HUWE1: variants seen among roughly 807,000 people sequenced by gnomAD.
HUWE1 encodes the protein HECT, UBA and WWE domain containing E3 ubiquitin protein ligase 1.
Under a neutral mutation model 299.4 loss-of-function variants are expected in HUWE1, and 18 were observed. The observed-to-expected ratio is 0.06, with a 90% CI of 0.04 to 0.09. The LOEUF (loss-of-function observed/expected upper bound fraction) is 0.09, where lower values mean the gene tolerates loss of function less well. Ranked by LOEUF, HUWE1 falls within the 10% of genes least tolerant of loss-of-function variation. The probability of loss-of-function intolerance (pLI) is 1.00; values close to 1 mark genes in which losing one functional copy is unlikely to be tolerated. For synonymous variants in HUWE1, 1,317 were observed against 1,286.1 expected (o/e 1.02, Z -0.51); for missense variants, 1,832 against 3,462.3 (o/e 0.53, Z 11.82).
intron 42 of HUWE1, among the ~76,000 whole-genome samples, chrX:53,581,713 C>T (rs999746548): frequency 3.6e-5 from 4 of 110,743 alleles, no homozygotes; most frequent in Admixed American, 9.6e-5. Context: ...CACATTATAC[C>T]CTCTGTATCT....
rs782218686 is a variant in HUWE1, at chrX:53,627,898, G to A, written c.1243-19C>T. The A allele has an allele frequency of 9.2e-6, 11 of 1,201,348 alleles. No homozygotes were observed. The highest frequency in any genetic ancestry group is 1.1e-5 in the Non-Finnish European group (10 of 886,854). ...TTATGACCTATCACGGAGAAAAAGA[G>A]GCAAAAACAATGAACTATAAAGACA... On this transcript the variant is annotated intron_variant, in intron 15 of 83. Transcript: ENST00000262854.
intron 19 of HUWE1, among the ~76,000 whole-genome samples, chrX:53,620,257 C>T (rs5933600): frequency 0.3 from 28,788 of 95,554 alleles, 3,963 homozygotes; most frequent in South Asian, 0.48. Flanking sequence ...TTCCATTTGT[C>T]TTTTTTTTTT....
intron 3 of HUWE1, among the ~76,000 whole-genome samples, chrX:53,654,595 G>A (rs189415574): frequency 1.8e-5 from 2 of 111,555 alleles, no homozygotes; most frequent in South Asian, 3.7e-4. Context: ...GTAAAAGACT[G>A]AAAAAGACCT....
Position 53,576,946 on chromosome X carries a change from G to C in HUWE1, c.5838C>G (p.Ile1946Met), listed in dbSNP as rs782228341. 8.3e-7 allele frequency: 1 copy of C among 1,209,222 alleles called. No homozygotes were observed. The highest frequency in any genetic ancestry group is 1.1e-6 in the Non-Finnish European group (1 of 893,294). Reference sequence around the variant, plus strand: ...CAGCCAGAGCATTCAGCATATCATAGATCACTTCCTTGATAGTATCAGGGA... The same window carrying C: ...CAGCCAGAGCATTCAGCATATCATACATCACTTCCTTGATAGTATCAGGGA... ...PVIPDTIKEV[I>M]YDMLNALAAY... The change falls in exon 44 of 84, where the codon ATC becomes ATG. Residue 1946 changes from isoleucine (I) to methionine (M), a missense_variant. Ile to Met is a conservative substitution (Grantham distance 10). This residue lies in a region of HUWE1 where 157 missense variants were observed against 252.3 expected (regional missense o/e 0.62). Transcript: ENST00000262854.
Position 53,547,709 on chromosome X carries a change from C to T in HUWE1, c.10600G>A (p.Val3534Met), listed in dbSNP as rs1333533744. The part of the protein sequence containing the change: ...STIVVAASTT[V>M]TTPTTATTTV... ...GTGGTAGCAGTCGTGGGGGTAGTCACTGTGGTCGAAGCAGCTACGACAATG... is the reference window on the plus strand; with the variant it reads ...GTGGTAGCAGTCGTGGGGGTAGTCATTGTGGTCGAAGCAGCTACGACAATG... The change falls in exon 68 of 84, where the codon GTG becomes ATG. Residue 3534 changes from valine to methionine, a missense_variant. Physicochemically the swap from Val to Met is conservative, Grantham distance 21. This residue lies in a region of HUWE1 where 119 missense variants were observed against 124.6 expected (regional missense o/e 0.96). Coordinates refer to ENST00000262854, the MANE Select transcript of HUWE1 (RefSeq NM_031407.7). 6 of 1,207,633 alleles carry T rather than the reference C, an allele frequency of 5.0e-6. No individual in the cohort carries two copies. The highest frequency in any genetic ancestry group is 5.6e-6 in the Non-Finnish European group (5 of 893,995).
intron 73 of HUWE1, among the ~76,000 whole-genome samples, chrX:53,543,486 T>C (rs1188713420): frequency 9.0e-6 from 1 of 110,581 alleles, no homozygotes; most frequent in African/African-American, 3.3e-5. Context: ...AATGGTAGGA[T>C]TCCTGAGATG....
chrX:53,595,855 AAGC>A (rs1433805462), intron 29 of HUWE1, among the ~76,000 whole-genome samples: 36 of 112,132 alleles, frequency 3.2e-4, no homozygotes, highest in African/African-American at 1.1e-3. Flanking sequence ...AAACTAGGAA[AAGC>A]AGGAAAATTT....
intron 78 of HUWE1, chrX:53,537,314 A>C: frequency 4.7e-6 from 2 of 422,381 alleles, no homozygotes; most frequent in Non-Finnish European, 8.3e-6. Flanking sequence ...ATCCTTATAA[A>C]CACCAAAGAC....
At chrX:53,624,532 C>CAG (rs1313389816) in intron 19 of HUWE1, 63 bp downstream of exon 19, 47 of 712,461 alleles carry the variant, frequency 6.6e-5, no homozygotes, top group East Asian at 1.3e-4. Flanking sequence ...TAAGTAAATA[C>CAG]AGAGAGAGAG....
At chrX:53,536,771 G>A (rs1194761685) in intron 78 of HUWE1, 104 bp from the exon 79 acceptor site, 1 of 728,969 alleles carries the variant, frequency 1.4e-6, no homozygotes, top group Non-Finnish European at 2.1e-6. Context: ...GGGGAGTGCA[G>A]TGTCAGATGA....
intron 47 of HUWE1, among the ~76,000 whole-genome samples, chrX:53,571,382 CGGGAGG>C (rs1556951197): frequency 4.5e-5 from 5 of 111,712 alleles, no homozygotes; most frequent in Non-Finnish European, 9.4e-5. Context: ...GAGGCTGAGG[CGGGAGG>C]ATCACTTGAG....
chrX:53,655,768 C>T (rs2068715361), intron 3 of HUWE1, among the ~76,000 whole-genome samples: 1 of 111,816 alleles, frequency 8.9e-6, no homozygotes, highest in Admixed American at 9.5e-5. Flanking sequence ...TGCTGCAAGA[C>T]GTAGCAGCCA....
chrX:53,643,549 A>C lies in HUWE1; in HGVS notation c.504+1762T>G, dbSNP rs1185744599. Among the ~76,000 whole-genome samples the C allele has an allele frequency of 2.7e-5, 3 of 111,064 alleles. No homozygotes were observed. In the East Asian group the frequency reaches 8.5e-4, roughly 31 times the overall value. On this transcript the variant is annotated intron_variant, in intron 7 of 83. Transcript: ENST00000262854. ...ATTGTTTTAGTAGAGATGGGGTTTCACCATGTTGGCCGGGCTGGTCTCAAA... is the reference window on the plus strand; with the variant it reads ...ATTGTTTTAGTAGAGATGGGGTTTCCCCATGTTGGCCGGGCTGGTCTCAAA...
At chrX:53,668,148 G>C (rs1156775763) in intron 3 of HUWE1, among the ~76,000 whole-genome samples, 1 of 110,556 alleles carries the variant, frequency 9.0e-6, no homozygotes, top group Non-Finnish European at 1.9e-5. Flanking sequence ...CATCTCTAAA[G>C]ATCAAACCTC....
chrX:53,552,679 C>T lies in HUWE1; in HGVS notation c.8709G>A (p.Arg2903=). The T allele has an allele frequency of 8.3e-7, 1 of 1,212,055 alleles. No individual in the cohort carries two copies. ...GGGCAGATTCCCCTGACCCATCACTCCTGCCTTGCACTTCCGCCACAGCTG... is the reference window on the plus strand; with the variant it reads ...GGGCAGATTCCCCTGACCCATCACTTCTGCCTTGCACTTCCGCCACAGCTG... ...APPAVAEVQG[R]SDGSGESAQP... is the part of the protein sequence containing the mutation. The change falls in exon 62 of 84, where the codon AGG becomes AGA. Residue 2903 remains arginine, a synonymous_variant. Transcript: ENST00000262854.
chrX:53,605,677 C>T (rs1323750250), intron 25 of HUWE1, among the ~76,000 whole-genome samples: 3 of 111,733 alleles, frequency 2.7e-5, no homozygotes, highest in African/African-American at 9.8e-5. Context: ...ATAGAAAAAT[C>T]CCTTCTAAAA....
At chrX:53,597,132 G>GA (rs1157693748) in intron 29 of HUWE1, among the ~76,000 whole-genome samples, 1 of 111,788 alleles carries the variant, frequency 8.9e-6, no homozygotes, top group Non-Finnish European at 1.9e-5. Context: ...TAAAGCTGGA[G>GA]AATGTAAAGC....
chrX:53,609,761 G>A (rs1557000368), intron 23 of HUWE1, among the ~76,000 whole-genome samples: 1 of 112,299 alleles, frequency 8.9e-6, no homozygotes, highest in Admixed American at 9.4e-5. Flanking sequence ...TGGGCACAGG[G>A]TGCAGGAGAG....
intron 80 of HUWE1, 74 bp from the exon 81 acceptor site, chrX:53,535,575 C>T (rs2061002708): frequency 1.5e-6 from 1 of 680,143 alleles, no homozygotes; most frequent in African/African-American, 2.1e-5. Flanking sequence ...GGAACACACC[C>T]TAAACCCCTT....
Sources: gnomAD v4.1 joint callset for allele counts (sites outside exome capture counted in the v4.1 genomes callset) on GRCh38, gnomAD v4.1.1 for gene constraint, gnomAD v4.1.1 regional missense constraint, MANE v1.5 for transcripts, NCBI Gene and HGNC (gene_info 2026-07-23, HGNC 2026-07-21) for gene names.